The following ADCY2 variants were observed in gnomAD, a reference collection of about 807,000 sequenced individuals.
ADCY2 encodes adenylate cyclase type 2.
In ADCY2, 31 loss-of-function variants were observed where a neutral mutation model predicts 125.2. That is an observed-to-expected ratio of 0.25 (90% CI 0.19 to 0.33). ADCY2 has a LOEUF of 0.33. ADCY2 is among the 10% of genes least tolerant of loss of function. ADCY2 has a pLI of 1.00. For synonymous variants in ADCY2, 512 were observed against 548.4 expected, an observed-to-expected ratio of 0.93 and a Z score of 0.93; for missense variants, 904 against 1,418.2, an observed-to-expected ratio of 0.64 and a Z score of 5.82.
At chr5:7,470,753 T>G (rs950965149) in intron 2 of ADCY2, among the ~76,000 whole-genome samples, 2 of 151,434 alleles carry the variant, frequency 1.3e-5, no homozygotes, top group African/African-American at 4.8e-5. Flanking sequence ...AGTCTACCAT[T>G]GTTGGATGAA....
chr5:7,446,645 T>A (rs73046304), intron 2 of ADCY2, among the ~76,000 whole-genome samples: 2,694 of 152,300 alleles, frequency 0.018, 91 homozygotes, highest in African/African-American at 0.063. Flanking sequence ...GTCTTGTTTT[T>A]ATAGGTGAGA....
intron 4 of ADCY2, among the ~76,000 whole-genome samples, chr5:7,656,273 C>T (rs1484981888): frequency 1.3e-5 from 2 of 152,098 alleles, no homozygotes; most frequent in Non-Finnish European, 2.9e-5. Flanking sequence ...AGGCTGGTCT[C>T]GAACTCCTGA....
chr5:7,574,933 A>C (rs1463391552), intron 3 of ADCY2, among the ~76,000 whole-genome samples: 2 of 152,236 alleles, frequency 1.3e-5, no homozygotes, highest in African/African-American at 4.8e-5. Flanking sequence ...AATAATATAA[A>C]GACAGTGAAG....
intron 1 of ADCY2, among the ~76,000 whole-genome samples, chr5:7,402,802 G>A (rs542381763): frequency 6.6e-6 from 1 of 152,202 alleles, no homozygotes; most frequent in Non-Finnish European, 1.5e-5. Flanking sequence ...TAATACAATC[G>A]TTTCATTTTA....
chr5:7,582,808 A>G (rs1736478827), intron 3 of ADCY2, among the ~76,000 whole-genome samples: 1 of 152,136 alleles, frequency 6.6e-6, no homozygotes, highest in South Asian at 2.1e-4. Flanking sequence ...CTTTTCCTCT[A>G]AAGTCTGGAA....
chr5:7,655,007 G>T (rs557214376), intron 4 of ADCY2, among the ~76,000 whole-genome samples: 1 of 152,268 alleles, frequency 6.6e-6, no homozygotes, highest in Admixed American at 6.5e-5. Context: ...GATGCCCTTT[G>T]AGATCCCTGT....
intron 2 of ADCY2, among the ~76,000 whole-genome samples, chr5:7,479,360 G>T (rs926586124): frequency 3.3e-5 from 5 of 152,046 alleles, no homozygotes; most frequent in African/African-American, 1.2e-4. Context: ...ACTGTCTCAA[G>T]AGTTATCTGA....
chr5:7,499,435 G>C (rs1743466510), intron 2 of ADCY2, among the ~76,000 whole-genome samples: 1 of 151,776 alleles, frequency 6.6e-6, no homozygotes, highest in South Asian at 2.1e-4. Context: ...CCATCATCCT[G>C]TGCAGTTAGA....
Position 7,633,190 on chromosome 5 carries a change from G to A in ADCY2, c.720+6874G>A, listed in dbSNP as rs868073886. 3.3e-5 allele frequency among the ~76,000 whole-genome samples: 5 copies of A among 152,082 alleles called. No homozygotes were observed. The South Asian group carries it at 1.0e-3, about 32-fold the overall frequency. On this transcript the variant is annotated intron_variant, in intron 4 of 24. Coordinates refer to ENST00000338316, the MANE Select transcript of ADCY2 (RefSeq NM_020546.3). Reference sequence around the variant, plus strand: ...TCATGCCTGTAATCCCAGCACTTTGGGAGGCCGAGGCGGGCGGATCACCTG... The same window carrying A: ...TCATGCCTGTAATCCCAGCACTTTGAGAGGCCGAGGCGGGCGGATCACCTG...
intron 16 of ADCY2, among the ~76,000 whole-genome samples, chr5:7,761,148 C>CTTTTTTTTTTTTTTTT (rs367998018): frequency 2.3e-4 from 20 of 88,162 alleles, no homozygotes; most frequent in South Asian, 4.2e-4. Flanking sequence ...CTTTTCTTTT[C>CTTTTTTTTTTTTTTTT]TTTTTTTTTT....
intron 3 of ADCY2, among the ~76,000 whole-genome samples, chr5:7,563,758 T>C (rs948984712): frequency 6.6e-6 from 1 of 152,208 alleles, no homozygotes; most frequent in Non-Finnish European, 1.5e-5. Context: ...TCAATTTTAC[T>C]TTCTATCTTA....
chr5:7,412,704 A>G (rs1012835409), intron 1 of ADCY2, among the ~76,000 whole-genome samples: 1 of 152,174 alleles, frequency 6.6e-6, no homozygotes, highest in Non-Finnish European at 1.5e-5. Context: ...CACGGCAACA[A>G]CTAGCCCCAT....
At chr5:7,561,759 T>C (rs565415178) in intron 3 of ADCY2, among the ~76,000 whole-genome samples, 4 of 152,342 alleles carry the variant, frequency 2.6e-5, no homozygotes, top group Admixed American at 6.5e-5. Context: ...TGTTGGGGAC[T>C]CATTCTGTTT....
rs1179990266 is a variant in ADCY2 at position 7,827,660 on chromosome 5, A to G, written c.*789A>G. ...TTCAGAAAGAGCTCTCCAGAAGCCA[A>G]TATTGAGATGTAATTCAGATTAGGA... On this transcript the variant is annotated 3_prime_UTR_variant, in exon 25 of 25. Coordinates refer to ENST00000338316, the MANE Select transcript of ADCY2 (RefSeq NM_020546.3). 1 of 152,358 alleles carries G rather than the reference A, an allele frequency of 6.6e-6. No individual in the cohort carries two copies. Among genetic ancestry groups the G allele is most frequent in the Non-Finnish European group, 1.5e-5 (1 of 68,054 alleles). The allele number at this position is 152,358 out of a possible 1,614,324, so 9.4% of individuals were successfully genotyped here.
At chr5:7,433,059 T>C (rs1740665664) in intron 2 of ADCY2, among the ~76,000 whole-genome samples, 1 of 152,206 alleles carries the variant, frequency 6.6e-6, no homozygotes, top group East Asian at 1.9e-4. Context: ...GTTGTTCACA[T>C]GGTAAACATG....
chr5:7,800,702 C>G (rs1744566264), intron 20 of ADCY2: 1 of 152,088 alleles, frequency 6.6e-6, no homozygotes, highest in Non-Finnish European at 1.5e-5. Flanking sequence ...CTAGATGCAC[C>G]CTTTTCCTCA....
chr5:7,665,855 T>G (rs1739697822), intron 4 of ADCY2, among the ~76,000 whole-genome samples: 1 of 137,272 alleles, frequency 7.3e-6, no homozygotes, highest in South Asian at 2.5e-4. Flanking sequence ...TTTTTTTTTT[T>G]TGAGACAGAA....
At chr5:7,759,324 G>A (rs1486498198) in intron 16 of ADCY2, among the ~76,000 whole-genome samples, 1 of 152,174 alleles carries the variant, frequency 6.6e-6, no homozygotes, top group Non-Finnish European at 1.5e-5. Context: ...CCACTGAAAG[G>A]TGCCACCACA....
intron 17 of ADCY2, among the ~76,000 whole-genome samples, chr5:7,770,787 A>G (rs1264447124): frequency 6.6e-6 from 1 of 152,222 alleles, no homozygotes; most frequent in Non-Finnish European, 1.5e-5. Context: ...TTAAATGGCT[A>G]CTAGGTTATA....
Sources: allele counts gnomAD v4.1 joint callset (sites outside exome capture counted in the v4.1 genomes callset), GRCh38; gene constraint gnomAD v4.1.1; transcripts MANE v1.5; gene names NCBI Gene and HGNC (gene_info 2026-07-23, HGNC 2026-07-21).